The following DYSF variants were observed in gnomAD, a reference collection of about 807,000 sequenced individuals.
DYSF encodes dysferlin.
Under a neutral mutation model 274.9 loss-of-function variants are expected in DYSF, and 212 were observed. The ratio of observed to expected loss-of-function variants is 0.77; its 90% CI spans 0.69 to 0.86. The LOEUF (loss-of-function observed/expected upper bound fraction) is 0.86, where lower values mean the gene tolerates loss of function less well. Among genes scored for constraint, DYSF ranks in the 40% least tolerant of loss-of-function variants. The pLI, the probability that DYSF is intolerant of heterozygous loss-of-function variation, is 0.00. For synonymous variants in DYSF, 1,091 were observed against 1,078.7 expected (o/e 1.01, Z -0.22); for missense variants, 2,666 against 2,783.2 (o/e 0.96, Z 0.95).
intron 14 of DYSF, among the ~76,000 whole-genome samples, chr2:71,530,089 T>C (rs930181027): frequency 6.6e-6 from 1 of 152,200 alleles, no homozygotes; most frequent in Non-Finnish European, 1.5e-5. Flanking sequence ...TTACTGCAGA[T>C]CCTCACCTGA....
chr2:71,453,874 A>G (rs2080937969), exon 1 of DYSF: 4 of 954,002 alleles, frequency 4.2e-6, no homozygotes, highest in Non-Finnish European at 6.6e-6. Context: ...GGAGCCAGAG[A>G]TTCGAGCCGG....
At chr2:71,625,821 A>G (rs1311971305) in intron 41 of DYSF, among the ~76,000 whole-genome samples, 1 of 152,092 alleles carries the variant, frequency 6.6e-6, no homozygotes, top group African/African-American at 2.4e-5. Flanking sequence ...CTTTAATGGT[A>G]ATTTAATGCA....
intron 1 of DYSF, among the ~76,000 whole-genome samples, chr2:71,467,906 G>A (rs755583125): frequency 3.9e-5 from 6 of 152,142 alleles, no homozygotes; most frequent in Non-Finnish European, 8.8e-5. Context: ...GGCACCAAGG[G>A]AACTCTTTTC....
At position 71,686,634 on chromosome 2, in the gene DYSF, G is replaced by T; in HGVS notation, c.*142G>T. On this transcript the variant is annotated 3_prime_UTR_variant, in exon 56 of 56. Transcript: ENST00000410020. ...GGGTGGGCAGACAGACAGATGGACC[G>T]GCCCACACTCCCAGAGTTGCTAACA... 1 of 940,576 alleles carries T rather than the reference G, an allele frequency of 1.1e-6. No homozygotes were observed. Among genetic ancestry groups the T allele is most frequent in the Admixed American group, 1.8e-5 (1 of 56,498 alleles). The allele number at this position is 940,576 out of a possible 1,614,324, so 58.3% of individuals were successfully genotyped here.
intron 41 of DYSF, among the ~76,000 whole-genome samples, chr2:71,638,741 T>C (rs1191456731): frequency 3.3e-5 from 5 of 152,252 alleles, no homozygotes; most frequent in Admixed American, 2.0e-4. Context: ...AGTTGATTCA[T>C]ATCTGAGTCT....
intron 48 of DYSF, 152 bp from the exon 49 acceptor site, chr2:71,668,602 A>G (rs1185955337): frequency 2.8e-6 from 2 of 718,458 alleles, no homozygotes; most frequent in Non-Finnish European, 4.7e-6. Context: ...TCTGCGGTTG[A>G]CCCTGTAGTC....
At chr2:71,585,959 G>T (rs912429108) in intron 30 of DYSF, among the ~76,000 whole-genome samples, 1 of 152,148 alleles carries the variant, frequency 6.6e-6, no homozygotes. Context: ...ATGGGGCAAG[G>T]GCCTGGGGGC....
chr2:71,453,761 G>A, exon 1 of DYSF: 2 of 578,220 alleles, frequency 3.5e-6, no homozygotes, highest in South Asian at 2.0e-5. Flanking sequence ...TCGGAACGCC[G>A]GCTGACAAGC....
At chr2:71,463,985 AAG>A (rs902395454), upstream of DYSF, among the ~76,000 whole-genome samples, 1 of 152,146 alleles carries the variant, frequency 6.6e-6, no homozygotes, top group African/African-American at 2.4e-5. Flanking sequence ...AGGAAGCAGC[AAG>A]GGTCCAAGCA....
Position 71,652,035 on chromosome 2 carries a change from C to G in DYSF, c.4627-4127C>G, listed in dbSNP as rs373719699. On this transcript the variant is annotated intron_variant, in intron 42 of 55. Transcript: ENST00000410020. ...TCTCAAGCTAACAGCCAACATCCAA[C>G]TTCATGACTTCAGAAGGTTTCTTTA... 4.6e-5 allele frequency among the ~76,000 whole-genome samples: 7 copies of G among 152,220 alleles called. No individual in the cohort carries two copies. In the East Asian group the frequency reaches 1.2e-3, roughly 25 times the overall value.
intron 17 of DYSF, among the ~76,000 whole-genome samples, chr2:71,543,479 G>A (rs555997448): frequency 0.052 from 7,965 of 152,188 alleles, 290 homozygotes; most frequent in Non-Finnish European, 0.073. Flanking sequence ...CAGAGGCTGC[G>A]ATCTCGGCAC....
At chr2:71,559,291 T>G (rs2091559078) in intron 22 of DYSF, among the ~76,000 whole-genome samples, 1 of 152,162 alleles carries the variant, frequency 6.6e-6, no homozygotes, top group Admixed American at 6.5e-5. Context: ...TTTTCCTGGG[T>G]CCCCAGAATC....
rs1385195547 is a variant in DYSF at position 71,516,309 on chromosome 2, CGT to C, written c.951+74_951+75del. Reference sequence around the variant, plus strand: ...ATGCACATAGGTGTCAGTGCACACGCGTGTGTGTTTGTGCACGTGTGTGCATG... The same window carrying C: ...ATGCACATAGGTGTCAGTGCACACGCGTGTGTTTGTGCACGTGTGTGCATG... On this transcript the variant is annotated intron_variant, in intron 9 of 55. Transcript: ENST00000410020. The C allele has an allele frequency of 3.2e-5, 48 of 1,488,394 alleles. 1 individual carries two copies. Among genetic ancestry groups the C allele is most frequent in the Middle Eastern group, 3.5e-4 (2 of 5,674 alleles). The allele number at this position is 1,488,394 out of a possible 1,614,324, so 92.2% of individuals were successfully genotyped here. A position where few individuals can be genotyped will look rare whatever the true frequency, so the allele number is the denominator to read the frequency against.
At chr2:71,497,790 A>C (rs942673098) in intron 3 of DYSF, among the ~76,000 whole-genome samples, 3 of 152,224 alleles carry the variant, frequency 2.0e-5, no homozygotes, top group Non-Finnish European at 4.4e-5. Context: ...TCAACTCGAA[A>C]TTACAAAGTT....
intron 30 of DYSF, among the ~76,000 whole-genome samples, chr2:71,587,308 G>A (rs2093103538): frequency 6.6e-6 from 1 of 152,232 alleles, no homozygotes; most frequent in Non-Finnish European, 1.5e-5. Flanking sequence ...GTCCGTGAGA[G>A]AGAGCGAGAG....
At chr2:71,465,368 G>A (rs551730699), upstream of DYSF, among the ~76,000 whole-genome samples, 17 of 152,174 alleles carry the variant, frequency 1.1e-4, no homozygotes, top group Admixed American at 7.2e-4. Flanking sequence ...GGGACCTGAA[G>A]AAGTTCTCTG....
At chr2:71,466,460 C>T (rs188636501), upstream of DYSF, among the ~76,000 whole-genome samples, 3 of 152,292 alleles carry the variant, frequency 2.0e-5, no homozygotes, top group African/African-American at 7.2e-5. Flanking sequence ...GCGGAGCAGG[C>T]CCCACGGCGC....
At chr2:71,459,804 C>T (rs923861929) in intron 1 of DYSF, among the ~76,000 whole-genome samples, 1 of 152,132 alleles carries the variant, frequency 6.6e-6, no homozygotes, top group Non-Finnish European at 1.5e-5. Flanking sequence ...CCCTTGGGCT[C>T]ATCAGGCAGC....
intron 32 of DYSF, among the ~76,000 whole-genome samples, chr2:71,593,125 CTTTTTTTTTTT>C (rs35900869): frequency 3.5e-5 from 3 of 85,564 alleles, no homozygotes; most frequent in South Asian, 5.1e-4. Context: ...TCAGTGACTT[CTTTTTTTTTTT>C]TTTTTTTTTT....
Sources: allele counts gnomAD v4.1 joint callset (sites outside exome capture counted in the v4.1 genomes callset), GRCh38; gene constraint gnomAD v4.1.1; transcripts MANE v1.5; gene names NCBI Gene and HGNC (gene_info 2026-07-23, HGNC 2026-07-21).